PACRG: variants seen among roughly 807,000 people sequenced by gnomAD.
The protein encoded by PACRG is parkin coregulated, also known as parkin coregulated gene protein.
In PACRG, 29 loss-of-function variants were observed where a neutral mutation model predicts 29.7. The ratio of observed to expected loss-of-function variants is 0.98; its 90% CI spans 0.73 to 1.33. PACRG has a LOEUF of 1.33. PACRG is among the 40% of genes most tolerant of loss of function. PACRG has a pLI of 0.00. For synonymous variants in PACRG, 116 were observed against 118.7 expected, an observed-to-expected ratio of 0.98 and a Z score of 0.15; for missense variants, 279 against 316.2, an observed-to-expected ratio of 0.88 and a Z score of 0.89.
intron 4 of PACRG, among the ~76,000 whole-genome samples, chr6:163,290,346 T>C (rs1320381281): frequency 6.7e-6 from 1 of 149,628 alleles, no homozygotes; most frequent in African/African-American, 2.5e-5. Context: ...GTGACCATCT[T>C]AATGGGGATT....
At chr6:162,763,700 T>G (rs1782557338) in intron 1 of PACRG, among the ~76,000 whole-genome samples, 1 of 152,198 alleles carries the variant, frequency 6.6e-6, no homozygotes, top group Non-Finnish European at 1.5e-5. Flanking sequence ...TATTTCTTTA[T>G]GAAATAGATG....
intron 4 of PACRG, among the ~76,000 whole-genome samples, chr6:163,269,114 C>T (rs1783642640): frequency 6.6e-6 from 1 of 152,210 alleles, no homozygotes; most frequent in Non-Finnish European, 1.5e-5. Context: ...AAGACATCTG[C>T]AAGACCTCTG....
intron 4 of PACRG, chr6:163,165,867 C>T (rs1778779992): frequency 2.9e-6 from 1 of 348,020 alleles, no homozygotes; most frequent in Non-Finnish European, 5.6e-6. Flanking sequence ...GAGAATGGGG[C>T]GACAGGGGGA....
At chr6:163,035,989 G>A (rs148430616) in intron 2 of PACRG, among the ~76,000 whole-genome samples, 3 of 152,142 alleles carry the variant, frequency 2.0e-5, no homozygotes, top group Non-Finnish European at 4.4e-5. Flanking sequence ...GAAATACTTG[G>A]TTTCTACTCT....
chr6:163,204,214 T>G (rs1217829789), intron 4 of PACRG, among the ~76,000 whole-genome samples: 1 of 152,228 alleles, frequency 6.6e-6, no homozygotes, highest in Non-Finnish European at 1.5e-5. Flanking sequence ...ATGTGTGACA[T>G]GGATTGTTAA....
chr6:162,737,159 T>C (rs1780226446), intron 1 of PACRG, among the ~76,000 whole-genome samples: 1 of 152,178 alleles, frequency 6.6e-6, no homozygotes, highest in Non-Finnish European at 1.5e-5. Context: ...TAGCTCCTCC[T>C]GTGGCCTGCC....
upstream of PACRG, chr6:162,727,561 A>C (rs1779334617): frequency 7.8e-7 from 1 of 1,288,522 alleles, no homozygotes; most frequent in South Asian, 1.3e-5. Context: ...CCCGTCATTG[A>C]CAGTTGGCAC....
chr6:163,206,260 G>A (rs150432051), intron 4 of PACRG, among the ~76,000 whole-genome samples: 12 of 152,164 alleles, frequency 7.9e-5, no homozygotes, highest in East Asian at 5.8e-4. Context: ...ACACGTGCAC[G>A]TGTATATTCA....
intron 2 of PACRG, among the ~76,000 whole-genome samples, chr6:163,020,007 A>C (rs943061393): frequency 6.6e-6 from 1 of 152,236 alleles, no homozygotes; most frequent in South Asian, 2.1e-4. Flanking sequence ...GTCTTTGGCG[A>C]GATGTCTTCG....
chr6:162,973,566 T>A (rs954571023), intron 2 of PACRG, among the ~76,000 whole-genome samples: 1 of 152,244 alleles, frequency 6.6e-6, no homozygotes, highest in African/African-American at 2.4e-5. Flanking sequence ...GTCTTTAAAG[T>A]TCTAAGTCTT....
chr6:163,173,658 G>C (rs571627096), intron 4 of PACRG, among the ~76,000 whole-genome samples: 1 of 152,212 alleles, frequency 6.6e-6, no homozygotes, highest in African/African-American at 2.4e-5. Context: ...CCTCCAGAAC[G>C]TGGGTGTGGC....
At chr6:162,785,005 G>C (rs917884892) in intron 1 of PACRG, among the ~76,000 whole-genome samples, 1 of 152,098 alleles carries the variant, frequency 6.6e-6, no homozygotes, top group African/African-American at 2.4e-5. Flanking sequence ...GCTTGAGAAA[G>C]TTCTTAGCTA....
At chr6:162,920,790 T>C (rs1346257707) in intron 2 of PACRG, among the ~76,000 whole-genome samples, 1 of 152,198 alleles carries the variant, frequency 6.6e-6, no homozygotes, top group African/African-American at 2.4e-5. Context: ...ATCAAAATTG[T>C]GTTTTTAGGC....
chr6:163,030,044 C>T (rs1045698119), intron 2 of PACRG, among the ~76,000 whole-genome samples: 5 of 152,162 alleles, frequency 3.3e-5, no homozygotes, highest in African/African-American at 1.2e-4. Flanking sequence ...CCAGTAACAT[C>T]AATGAAATAA....
In PACRG at chr6:163,301,926, C is replaced by G. The variant is rs143822369; in HGVS notation, c.614-12901C>G. Among the ~76,000 whole-genome samples, 1,118 of 152,294 alleles carry G rather than the reference C, an allele frequency of 7.3e-3. 8 individuals are homozygous for G. Among genetic ancestry groups the G allele is most frequent in the African/African-American group, 0.026 (1,071 of 41,546 alleles). ...CATGGCCATTTGTGTTCAACAAGAG[C>G]ACGCCTCCGCCCCTCAGGGGTCCTG... On this transcript the variant is annotated intron_variant, in intron 4 of 4. Transcript: ENST00000366888.
At chr6:162,930,791 T>A (rs1797796940) in intron 2 of PACRG, among the ~76,000 whole-genome samples, 2 of 151,902 alleles carry the variant, frequency 1.3e-5, no homozygotes, top group South Asian at 4.1e-4. Flanking sequence ...AAAGTTTTTA[T>A]CATAAAGGAA....
intron 1 of PACRG, among the ~76,000 whole-genome samples, chr6:162,746,869 A>T (rs1373128250): frequency 1.3e-5 from 2 of 152,226 alleles, no homozygotes; most frequent in African/African-American, 4.8e-5. Flanking sequence ...TTGCAGATAT[A>T]TAAAAGGACC....
At chr6:163,014,501 C>A (rs1466043428) in intron 2 of PACRG, among the ~76,000 whole-genome samples, 1 of 133,458 alleles carries the variant, frequency 7.5e-6, no homozygotes, top group South Asian at 2.6e-4. Context: ...CTTTTTTCTG[C>A]AGTCTTGCCA....
At chr6:162,789,356 G>T (rs1784758140) in intron 1 of PACRG, among the ~76,000 whole-genome samples, 1 of 151,986 alleles carries the variant, frequency 6.6e-6, no homozygotes, top group Non-Finnish European at 1.5e-5. Flanking sequence ...ACAAAGTTTT[G>T]TTGAAATATA....
Sources: allele counts gnomAD v4.1 joint callset (sites outside exome capture counted in the v4.1 genomes callset), GRCh38; gene constraint gnomAD v4.1.1; transcripts MANE v1.5; gene names NCBI Gene and HGNC (gene_info 2026-07-23, HGNC 2026-07-21).